KLRG1: variants seen among roughly 807,000 people sequenced by gnomAD.
KLRG1 encodes killer cell lectin like receptor G1.
In KLRG1, 16 loss-of-function variants were observed where a neutral mutation model predicts 21.8. That is an observed-to-expected ratio of 0.73 (90% CI 0.50 to 1.11). KLRG1 has a LOEUF of 1.11. Among genes scored for constraint, KLRG1 ranks in the 50% most tolerant of loss-of-function variants. The pLI is 0.00. For missense variants in KLRG1, 173 were observed against 218.3 expected (o/e 0.79, Z 1.31); for synonymous variants, 69 against 75.9 (o/e 0.91, Z 0.47).
the KLRG1 span, among the ~76,000 whole-genome samples, chr12:9,090,690 C>T: frequency 2.0e-5 from 3 of 152,090 alleles, no homozygotes; most frequent in Non-Finnish European, 2.9e-5. Context: ...TTGGAAGCAA[C>T]CTGCTCTTTC....
the KLRG1 span, chr12:9,101,055 A>G: frequency 2.4e-6 from 3 of 1,271,860 alleles, no homozygotes; most frequent in African/African-American, 3.0e-5. Flanking sequence ...AACCTATGGA[A>G]AAAAAGGGAA....
the KLRG1 span, among the ~76,000 whole-genome samples, chr12:9,175,300 C>T: frequency 6.6e-6 from 1 of 152,142 alleles, no homozygotes; most frequent in Non-Finnish European, 1.5e-5. Flanking sequence ...TCACCATATA[C>T]AAAAATTAAC....
At chr12:9,207,743 T>A in the KLRG1 span, among the ~76,000 whole-genome samples, 1 of 152,178 alleles carries the variant, frequency 6.6e-6, no homozygotes, top group Non-Finnish European at 1.5e-5. Context: ...GGAGAGGAAC[T>A]GGGGAGAGGT....
At chr12:8,973,088 G>A (rs185229653) in intron 1 of KLRG1, among the ~76,000 whole-genome samples, 6 of 150,126 alleles carry the variant, frequency 4.0e-5, no homozygotes, top group Admixed American at 6.7e-5. Flanking sequence ...GAACCCAGGA[G>A]GCAGAGGTTT....
the KLRG1 span, among the ~76,000 whole-genome samples, chr12:9,131,074 T>TTGA: frequency 2.0e-5 from 3 of 152,358 alleles, no homozygotes; most frequent in East Asian, 3.9e-4. Flanking sequence ...GGCACCCTTG[T>TTGA]TGAAGATCAT....
chr12:9,141,154 T>C, the KLRG1 span, among the ~76,000 whole-genome samples: 1 of 152,146 alleles, frequency 6.6e-6, no homozygotes, highest in African/African-American at 2.4e-5. Context: ...AACATAACAA[T>C]TATAATTATT....
chr12:9,144,931 G>T, the KLRG1 span, among the ~76,000 whole-genome samples: 1 of 152,174 alleles, frequency 6.6e-6, no homozygotes, highest in Non-Finnish European at 1.5e-5. Context: ...GGCAGTTTTT[G>T]ATTAAGGGGA....
At chr12:9,031,446 A>T in the KLRG1 span, among the ~76,000 whole-genome samples, 2 of 152,256 alleles carry the variant, frequency 1.3e-5, no homozygotes, top group South Asian at 4.2e-4. Flanking sequence ...GAGAAGCTTG[A>T]ACTCAGTGGG....
the KLRG1 span, chr12:9,196,779 T>G: frequency 8.9e-7 from 1 of 1,126,688 alleles, no homozygotes; most frequent in Non-Finnish European, 1.3e-6. Context: ...GAAAACTTTT[T>G]TTTTGCATTA....
the KLRG1 span, among the ~76,000 whole-genome samples, chr12:9,019,924 C>A: frequency 1.3e-5 from 2 of 152,088 alleles, no homozygotes; most frequent in African/African-American, 4.8e-5. Context: ...ACTTTCTTGT[C>A]TCTGTTAACA....
At chr12:9,169,405 T>C in the KLRG1 span, 5 of 1,544,036 alleles carry the variant, frequency 3.2e-6, no homozygotes, top group Non-Finnish European at 4.4e-6. Context: ...CAAGCCAGCA[T>C]GTTAATAAGT....
the KLRG1 span, among the ~76,000 whole-genome samples, chr12:9,188,767 C>T: frequency 1.3e-5 from 2 of 152,154 alleles, no homozygotes; most frequent in Non-Finnish European, 2.9e-5. Context: ...TGCAAGCAAT[C>T]CCATTCACAA....
chr12:9,170,761 T>C, the KLRG1 span, among the ~76,000 whole-genome samples: 4 of 152,352 alleles, frequency 2.6e-5, no homozygotes, highest in Middle Eastern at 3.4e-3. This position sits in a 1 kb window ranked among gnomAD's most constrained non-coding sequence, Gnocchi z 4.6. Flanking sequence ...AGTGGGACCC[T>C]GATCCATTCC....
At chr12:9,157,129 GTC>G in the KLRG1 span, 2 of 1,566,146 alleles carry the variant, frequency 1.3e-6, no homozygotes, top group Non-Finnish European at 1.7e-6. Context: ...CCCTCCCTGT[GTC>G]TATGTGTTCT....
the KLRG1 span, chr12:9,153,211 G>GGTT: frequency 6.2e-7 from 1 of 1,614,182 alleles, no homozygotes; most frequent in African/African-American, 1.3e-5. Flanking sequence ...AGTAATAGGA[G>GGTT]GTTGTTGTTG....
the KLRG1 span, among the ~76,000 whole-genome samples, chr12:9,025,936 A>G: frequency 6.6e-6 from 1 of 152,240 alleles, no homozygotes. Context: ...GGACAGCAGA[A>G]TTTTTGAATA....
exon 1 of KLRG1, chr12:8,950,195 G>A (rs1946172690): frequency 6.6e-6 from 1 of 152,212 alleles, no homozygotes; most frequent in Admixed American, 6.5e-5. Flanking sequence ...TGTGCGTCCT[G>A]GCTTTCTTAA....
the KLRG1 span, among the ~76,000 whole-genome samples, chr12:9,033,760 G>C: frequency 2.0e-5 from 3 of 152,192 alleles, no homozygotes; most frequent in Non-Finnish European, 4.4e-5. Context: ...AAGGTGGGGT[G>C]GCTTCAAGGC....
At chr12:9,068,957 A>G in the KLRG1 span, 3 of 627,620 alleles carry the variant, frequency 4.8e-6, no homozygotes, top group Admixed American at 3.2e-5. Context: ...ACAGCACACT[A>G]TAGGGTCCTT....
Sources: allele counts gnomAD v4.1 joint callset (sites outside exome capture counted in the v4.1 genomes callset), GRCh38; gene constraint gnomAD v4.1.1; non-coding constraint Gnocchi (gnomAD v3.1); transcripts MANE v1.5; gene names NCBI Gene and HGNC (gene_info 2026-07-23, HGNC 2026-07-21).